The following ZCCHC4 variants were observed in gnomAD, a reference collection of about 807,000 sequenced individuals.
ZCCHC4 encodes rRNA N(6)-adenosine-methyltransferase ZCCHC4.
A neutral mutation model predicts 67.7 loss-of-function variants in ZCCHC4; 54 were observed. That is an observed-to-expected ratio of 0.80 (90% CI 0.64 to 1.00). The LOEUF (loss-of-function observed/expected upper bound fraction) is 1.00, where lower values mean the gene tolerates loss of function less well. Among genes scored for constraint, ZCCHC4 ranks in the 50% least tolerant of loss-of-function variants. The pLI, the probability that ZCCHC4 is intolerant of heterozygous loss-of-function variation, is 0.00. For missense variants in ZCCHC4, 609 were observed against 617.0 expected, an observed-to-expected ratio of 0.99 and a Z score of 0.14; for synonymous variants, 198 against 213.5, an observed-to-expected ratio of 0.93 and a Z score of 0.63.
chr4:25,331,333 C>T lies in ZCCHC4; in HGVS notation c.330-1850C>T, dbSNP rs149436853. On this transcript the variant is annotated intron_variant, in intron 3 of 12. Coordinates refer to ENST00000302874, the MANE Select transcript of ZCCHC4 (RefSeq NM_024936.3). ...CATTTTTTTCTTTTAGAGACAGAGC[C>T]TCACTCTGTTGCCTAGGCTGGAGTG... 1.1e-3 allele frequency among the ~76,000 whole-genome samples: 167 copies of T among 152,338 alleles called. 4 individuals are homozygous for T. The East Asian group carries it at 0.03, about 28-fold the overall frequency.
At chr4:25,316,517 ATTG>A (rs1718271913) in intron 3 of ZCCHC4, among the ~76,000 whole-genome samples, 1 of 152,280 alleles carries the variant, frequency 6.6e-6, no homozygotes, top group East Asian at 1.9e-4. Context: ...CATCCTAGTA[ATTG>A]TGAAGTGGTA....
intron 3 of ZCCHC4, among the ~76,000 whole-genome samples, chr4:25,323,260 TTAGCTTACTTTGTTAC>T (rs1399857886): frequency 2.6e-4 from 39 of 152,318 alleles, no homozygotes; most frequent in Admixed American, 2.5e-3. Context: ...TCACCAACTG[TTAGCTTACTTTGTTAC>T]AGTTCATGTG....
At chr4:25,361,616 C>T (rs913472607) in intron 8 of ZCCHC4, 13 of 441,312 alleles carry the variant, frequency 2.9e-5, no homozygotes, top group South Asian at 6.7e-5. Context: ...CGCCCAGTCT[C>T]GCTCATGCCC....
rs576507831 is a variant in ZCCHC4 at position 25,352,380 on chromosome 4, A to C, written c.1011+691A>C. 3.5e-5 allele frequency: 34 copies of C among 983,792 alleles called. No homozygotes were observed. In the East Asian group the frequency reaches 3.2e-3, roughly 92 times the overall value. 60.9% of individuals were successfully genotyped at this position (983,792 alleles called of 1,614,324 possible). Reference sequence around the variant, plus strand: ...GTTTGAAGTTAACCCTGTTGTCGCCATCACTGTTTATGGTCTTCAGGCAGG... The same window carrying C: ...GTTTGAAGTTAACCCTGTTGTCGCCCTCACTGTTTATGGTCTTCAGGCAGG... On this transcript the variant is annotated intron_variant, in intron 8 of 12. Transcript: ENST00000302874.
intron 3 of ZCCHC4, among the ~76,000 whole-genome samples, chr4:25,324,505 G>A (rs757057412): frequency 1.2e-4 from 19 of 152,058 alleles, no homozygotes; most frequent in African/African-American, 1.9e-4. Context: ...GTAGAAAAAA[G>A]CTGCTATGAA....
At position 25,350,001 on chromosome 4, in the gene ZCCHC4, G is replaced by A. The variant is rs566883424; in HGVS notation, c.910+359G>A. 5.9e-5 allele frequency among the ~76,000 whole-genome samples: 9 copies of A among 152,248 alleles called. 1 individual carries two copies. Among genetic ancestry groups the A allele is most frequent in the Non-Finnish European group, 8.8e-5 (6 of 68,008 alleles). On this transcript the variant is annotated intron_variant, in intron 7 of 12. Transcript: ENST00000302874. ...TAGGAATAGATTTTTGAACAAAGCCGACACATACCTCTGCCCTGTGGATCA... is the reference window on the plus strand; with the variant it reads ...TAGGAATAGATTTTTGAACAAAGCCAACACATACCTCTGCCCTGTGGATCA...
intron 3 of ZCCHC4, among the ~76,000 whole-genome samples, chr4:25,330,078 G>T (rs1355405826): frequency 6.6e-6 from 1 of 151,848 alleles, no homozygotes; most frequent in Admixed American, 6.6e-5. Context: ...AGTAGCCTCC[G>T]TCCCTGTGTT....
chr4:25,333,087 T>A, intron 3 of ZCCHC4, 96 bp from the exon 4 acceptor site: 1 of 1,280,716 alleles, frequency 7.8e-7, no homozygotes. Context: ...CTTTAGGAAG[T>A]AAAAATACTT....
At chr4:25,355,899 G>A (rs542210102) in intron 8 of ZCCHC4, among the ~76,000 whole-genome samples, 1 of 152,286 alleles carries the variant, frequency 6.6e-6, no homozygotes, top group South Asian at 2.1e-4. Context: ...AGAAGGTACT[G>A]GGGACTTTGT....
At chr4:25,367,214 TTG>T (rs1720988513) in intron 12 of ZCCHC4, among the ~76,000 whole-genome samples, 1 of 152,288 alleles carries the variant, frequency 6.6e-6, no homozygotes, top group Middle Eastern at 3.4e-3. Context: ...TGGCTCCCTC[TTG>T]TGGTTAAAGC....
intron 8 of ZCCHC4, among the ~76,000 whole-genome samples, chr4:25,353,626 A>C (rs1720402194): frequency 6.6e-6 from 1 of 152,236 alleles, no homozygotes; most frequent in Non-Finnish European, 1.5e-5. Context: ...TGTATATGTC[A>C]AATGGATAAC....
At chr4:25,313,937 T>C (rs1184521987) in intron 1 of ZCCHC4, 109 bp from the exon 2 acceptor site, 3 of 678,194 alleles carry the variant, frequency 4.4e-6, no homozygotes, top group Admixed American at 2.4e-5. Flanking sequence ...TTATGATAAA[T>C]TGTGCCTAAA....
At position 25,353,610 on chromosome 4, in the gene ZCCHC4, G is replaced by T. The variant is rs372485026; in HGVS notation, c.1011+1921G>T. 7.2e-5 allele frequency among the ~76,000 whole-genome samples: 11 copies of T among 152,332 alleles called. No homozygotes were observed. In the South Asian group the frequency reaches 2.3e-3, roughly 32 times the overall value. On this transcript the variant is annotated intron_variant, in intron 8 of 12. Coordinates refer to ENST00000302874, the MANE Select transcript of ZCCHC4 (RefSeq NM_024936.3). Reference sequence around the variant, plus strand: ...TAGTGCAATGTTTGGCACACAGTAGGTGCCATGTATATGTCAAATGGATAA... The same window carrying T: ...TAGTGCAATGTTTGGCACACAGTAGTTGCCATGTATATGTCAAATGGATAA...
intron 3 of ZCCHC4, among the ~76,000 whole-genome samples, chr4:25,323,342 T>C (rs1718681762): frequency 6.6e-6 from 1 of 152,140 alleles, no homozygotes; most frequent in Non-Finnish European, 1.5e-5. Flanking sequence ...AACTAGTTTT[T>C]AGAAAAATGA....
intron 3 of ZCCHC4, among the ~76,000 whole-genome samples, chr4:25,322,528 T>A (rs866330850): frequency 3.3e-5 from 5 of 152,230 alleles, no homozygotes; most frequent in African/African-American, 7.2e-5. Flanking sequence ...TTTTTTTATT[T>A]TTTTGAGACA....
rs1720631709 is a variant in ZCCHC4 at position 25,359,301 on chromosome 4, A to G, written c.1012-2558A>G. ...ACACCCAGTCCCTGAGGGATGCAGT[A>G]CAGATAAGGGCCCACCAGGTACAGA... On this transcript the variant is annotated intron_variant, in intron 8 of 12. Coordinates refer to ENST00000302874, the MANE Select transcript of ZCCHC4 (RefSeq NM_024936.3). This position sits in a 1 kb window ranked among gnomAD's most constrained non-coding sequence, Gnocchi z 4.9. Among the ~76,000 whole-genome samples, 12 of 152,226 alleles carry G rather than the reference A, an allele frequency of 7.9e-5. No individual in the cohort carries two copies.
At chr4:25,340,833 A>C (rs1464002056) in intron 5 of ZCCHC4, among the ~76,000 whole-genome samples, 2 of 152,224 alleles carry the variant, frequency 1.3e-5, no homozygotes, top group Admixed American at 1.3e-4. Context: ...TCAAAAATAC[A>C]GTTAACCATT....
intron 3 of ZCCHC4, among the ~76,000 whole-genome samples, chr4:25,324,339 G>A (rs1044801682): frequency 1.3e-5 from 2 of 151,964 alleles, no homozygotes; most frequent in Non-Finnish European, 2.9e-5. Context: ...TTTAAGGGCA[G>A]GTGCATTCAT....
At chr4:25,365,808 T>C in intron 12 of ZCCHC4, 1 of 985,438 alleles carries the variant, frequency 1.0e-6, no homozygotes, top group Non-Finnish European at 1.2e-6. Context: ...CTGGAATAGT[T>C]ATCCCCAAAA....
Sources: gnomAD v4.1 joint callset for allele counts (sites outside exome capture counted in the v4.1 genomes callset) on GRCh38, gnomAD v4.1.1 for gene constraint, Gnocchi (gnomAD v3.1) non-coding constraint, MANE v1.5 for transcripts, NCBI Gene and HGNC (gene_info 2026-07-23, HGNC 2026-07-21) for gene names.